Variants in SETBP1 observed in about 807,000 individuals in gnomAD.
SETBP1 encodes the protein SET binding protein 1, also known as SET-binding protein.
SETBP1 carries 9 observed loss-of-function variants against 101.0 expected under a neutral mutation model. That is an observed-to-expected ratio of 0.09 (90% CI 0.05 to 0.16). The LOEUF (loss-of-function observed/expected upper bound fraction) is 0.16. SETBP1 is among the 10% of genes least tolerant of loss of function. The pLI is 1.00. For synonymous variants in SETBP1, 818 were observed against 788.5 expected (o/e 1.04, Z -0.63); for missense variants, 1,858 against 2,033.8 (o/e 0.91, Z 1.66).
intron 1 of SETBP1, among the ~76,000 whole-genome samples, chr18:44,690,062 G>A (rs919863046): frequency 1.2e-4 from 19 of 152,102 alleles, no homozygotes; most frequent in Admixed American, 1.2e-3. Flanking sequence ...TTCAGCATGG[G>A]GTTCAAAAGA....
At chr18:44,914,556 A>G (rs550998261) in intron 3 of SETBP1, among the ~76,000 whole-genome samples, 1 of 152,338 alleles carries the variant, frequency 6.6e-6, no homozygotes, top group South Asian at 2.1e-4. Context: ...TTGAGTGACT[A>G]TCACCTTTTA....
chr18:44,901,767 T>C (rs1568208439), intron 3 of SETBP1, among the ~76,000 whole-genome samples: 1 of 152,226 alleles, frequency 6.6e-6, no homozygotes, highest in African/African-American at 2.4e-5. Flanking sequence ...AGATCCATTC[T>C]GTAATAATTG....
At chr18:44,925,333 C>T (rs1252177658) in intron 3 of SETBP1, among the ~76,000 whole-genome samples, 1 of 152,112 alleles carries the variant, frequency 6.6e-6, no homozygotes, top group Non-Finnish European at 1.5e-5. Flanking sequence ...AGAGGACAGG[C>T]TGTAGCCTGC....
At chr18:44,909,298 G>A (rs1261832082) in intron 3 of SETBP1, among the ~76,000 whole-genome samples, 1 of 152,196 alleles carries the variant, frequency 6.6e-6, no homozygotes, top group Non-Finnish European at 1.5e-5. Context: ...ATGTGTTCCT[G>A]CTTGCTACTC....
intron 2 of SETBP1, among the ~76,000 whole-genome samples, chr18:44,866,433 A>G (rs897767102): frequency 2.0e-5 from 3 of 152,198 alleles, no homozygotes; most frequent in Admixed American, 6.5e-5. Context: ...AAGTCATTTG[A>G]CAAACAGGTT....
intron 4 of SETBP1, among the ~76,000 whole-genome samples, chr18:44,960,988 G>T (rs1187043994): frequency 6.6e-6 from 1 of 152,230 alleles, no homozygotes; most frequent in African/African-American, 2.4e-5. Context: ...GCACTGAGAG[G>T]GTGGGAGTAC....
intron 3 of SETBP1, among the ~76,000 whole-genome samples, chr18:44,934,877 C>T (rs920888364): frequency 1.3e-5 from 2 of 152,188 alleles, no homozygotes; most frequent in Non-Finnish European, 2.9e-5. Context: ...GGAAGACAGT[C>T]CACAAGTGAC....
intron 3 of SETBP1, among the ~76,000 whole-genome samples, chr18:44,919,584 G>T (rs371337440): frequency 6.6e-6 from 1 of 151,884 alleles, no homozygotes; most frequent in African/African-American, 2.4e-5. Flanking sequence ...TCTTGACCTC[G>T]TGATCCACCT....
chr18:44,994,002 T>G (rs1332817719), intron 4 of SETBP1, among the ~76,000 whole-genome samples: 1 of 152,044 alleles, frequency 6.6e-6, no homozygotes, highest in Non-Finnish European at 1.5e-5. Context: ...CACAAATTAA[T>G]AAATCTGACT....
intron 3 of SETBP1, among the ~76,000 whole-genome samples, chr18:44,948,396 T>G (rs1260935722): frequency 2.0e-5 from 3 of 152,238 alleles, no homozygotes; most frequent in South Asian, 4.1e-4. Context: ...ATGCCATCTG[T>G]GTTTTGACTC....
chr18:44,718,006 C>T (rs2069504817), intron 2 of SETBP1, among the ~76,000 whole-genome samples: 1 of 152,106 alleles, frequency 6.6e-6, no homozygotes, highest in African/African-American at 2.4e-5. Context: ...AATGTAGCAA[C>T]TTTACTAATG....
chr18:45,052,115 G>A (rs566236209), intron 5 of SETBP1, among the ~76,000 whole-genome samples: 1 of 152,356 alleles, frequency 6.6e-6, no homozygotes, highest in Admixed American at 6.5e-5. Context: ...CACAAACTGG[G>A]CCTGAATCAA....
chr18:44,734,846 A>G (rs1405110283), intron 2 of SETBP1, among the ~76,000 whole-genome samples: 1 of 152,230 alleles, frequency 6.6e-6, no homozygotes, highest in Non-Finnish European at 1.5e-5. Context: ...TTTAGGTTAG[A>G]AATTATCTTG....
At chr18:44,748,174 G>A (rs2070302165) in intron 2 of SETBP1, among the ~76,000 whole-genome samples, 1 of 151,918 alleles carries the variant, frequency 6.6e-6, no homozygotes, top group South Asian at 2.1e-4. Flanking sequence ...AAGGAAGGAA[G>A]GATGGAAAGG....
chr18:44,894,838 A>C (rs1052571043), intron 3 of SETBP1, among the ~76,000 whole-genome samples: 4 of 151,676 alleles, frequency 2.6e-5, no homozygotes, highest in African/African-American at 9.7e-5. Context: ...CACTGTTGAA[A>C]ACTTAATTGA....
Position 44,766,600 on chromosome 18 carries a change from A to G in SETBP1, c.486+64768A>G, listed in dbSNP as rs1000490516. 6.6e-5 allele frequency among the ~76,000 whole-genome samples: 10 copies of G among 152,130 alleles called. No homozygotes were observed. The East Asian group carries it at 1.9e-3, about 29-fold the overall frequency. ...AGACTTCCAGTTTTGCACAATGAAA[A>G]GAGTTCTGTGGATGGATGGTGGTGA... is the stretch of plus-strand genomic sequence containing the variant. On this transcript the variant is annotated intron_variant, in intron 2 of 5. Transcript: ENST00000649279.
intron 3 of SETBP1, among the ~76,000 whole-genome samples, chr18:44,905,604 C>G (rs1224399029): frequency 6.6e-6 from 1 of 152,098 alleles, no homozygotes; most frequent in Non-Finnish European, 1.5e-5. Context: ...ATTGGGTGAA[C>G]TTTCCAGGAA....
At chr18:44,713,579 T>A (rs1175097444) in intron 2 of SETBP1, among the ~76,000 whole-genome samples, 1 of 152,110 alleles carries the variant, frequency 6.6e-6, no homozygotes, top group African/African-American at 2.4e-5. Context: ...TGGGAGGTGA[T>A]CTGGCCCTGC....
rs1476369384 is a variant in SETBP1 at position 44,701,412 on chromosome 18, C to G, written c.66C>G (p.Val22=). ...QRGGESDFLP[V]SSAKPPAAPG... is the part of the protein sequence containing the mutation. ...GGGGCGAGTCAGACTTCCTGCCGGT[C>G]TCCTCAGCCAAGCCCCCAGCTGCTC... Residue 22 remains valine, a synonymous_variant, in exon 2 of 6, where the codon GTC becomes GTG. Coordinates refer to ENST00000649279, the MANE Select transcript of SETBP1 (RefSeq NM_015559.3). 1.9e-6 allele frequency: 3 copies of G among 1,584,182 alleles called. No homozygotes were observed. The South Asian group carries it at 3.4e-5, about 18-fold the overall frequency.
Sources: allele counts gnomAD v4.1 joint callset (sites outside exome capture counted in the v4.1 genomes callset), GRCh38; gene constraint gnomAD v4.1.1; transcripts MANE v1.5; gene names NCBI Gene and HGNC (gene_info 2026-07-23, HGNC 2026-07-21).